Variants in BPTF observed in about 807,000 individuals in gnomAD.
The protein encoded by BPTF is bromodomain PHD finger transcription factor.
BPTF carries 18 observed loss-of-function variants against 292.5 expected under a neutral mutation model. The ratio of observed to expected loss-of-function variants is 0.06; its 90% CI spans 0.04 to 0.09. The LOEUF (loss-of-function observed/expected upper bound fraction) is 0.09, where lower values mean the gene tolerates loss of function less well. Ranked by LOEUF, BPTF falls within the 10% of genes least tolerant of loss-of-function variation. BPTF has a pLI of 1.00. For missense variants in BPTF, 2,726 were observed against 3,498.7 expected, an observed-to-expected ratio of 0.78 and a Z score of 5.57; for synonymous variants, 1,225 against 1,251.9, an observed-to-expected ratio of 0.98 and a Z score of 0.45.
intron 23 of BPTF, chr17:67,957,428 A>C (rs2148242882): frequency 6.6e-6 from 1 of 152,346 alleles, no homozygotes; most frequent in African/African-American, 2.4e-5. Context: ...GATTTTGGCC[A>C]AAGTGGCTCA....
intron 26 of BPTF, among the ~76,000 whole-genome samples, chr17:67,968,555 G>T (rs1280245729): frequency 6.6e-6 from 1 of 151,184 alleles, no homozygotes; most frequent in Non-Finnish European, 1.5e-5. Context: ...GAGGTGGGTG[G>T]ATCACGAGGT....
At chr17:67,827,930 C>CT (rs35169238) in intron 1 of BPTF, among the ~76,000 whole-genome samples, 2,454 of 128,948 alleles carry the variant, frequency 0.019, 36 homozygotes, top group Non-Finnish European at 0.031. Flanking sequence ...AATTTTAGTA[C>CT]TTTTTTTTTT....
In BPTF at chr17:67,910,942, G is replaced by A. The variant is rs201720584; in HGVS notation, c.3058G>A (p.Asp1020Asn). 1.9e-5 allele frequency: 31 copies of A among 1,613,904 alleles called. No individual in the cohort carries two copies. In the African/African-American group the frequency reaches 2.7e-4, roughly 14 times the overall value. ...CAAGGAAGAACCAATGGAAGTAGAC[G>A]ATGACATGAAAACAGAGTCACATGT... ...PCKEEPMEVD[D>N]DMKTESHVNC... The change falls in exon 11 of 28, where the codon GAT becomes AAT. Residue 1020 changes from aspartate to asparagine, a missense_variant. Around this residue, in one of 22 missense-constraint regions of BPTF, gnomAD observed 713 missense variants for 714.9 expected, o/e 1.00. Transcript: ENST00000306378.
At chr17:67,893,072 G>T in intron 5 of BPTF, 3 of 319,450 alleles carry the variant, frequency 9.4e-6, no homozygotes, top group East Asian at 8.4e-5. Context: ...TAATTTATAT[G>T]TATGGTTTCA....
At chr17:67,871,779 TCTG>T (rs2059753295) in intron 3 of BPTF, among the ~76,000 whole-genome samples, 1 of 152,196 alleles carries the variant, frequency 6.6e-6, no homozygotes, top group East Asian at 1.9e-4. Flanking sequence ...TGTTTTTCTC[TCTG>T]CTGAACATTT....
chr17:67,955,600 G>C (rs1316019818), intron 23 of BPTF: 1 of 152,102 alleles, frequency 6.6e-6, no homozygotes, highest in Non-Finnish European at 1.5e-5. Context: ...GCTAAGGCTG[G>C]AGGACCACTT....
chr17:67,837,233 T>G (rs1468163988), intron 1 of BPTF, among the ~76,000 whole-genome samples: 1 of 152,224 alleles, frequency 6.6e-6, no homozygotes, highest in Admixed American at 6.5e-5. Flanking sequence ...TTACAGACAG[T>G]GCTGTCCTGA....
At chr17:67,890,832 A>G (rs1054193504) in intron 4 of BPTF, among the ~76,000 whole-genome samples, 12 of 152,218 alleles carry the variant, frequency 7.9e-5, no homozygotes, top group African/African-American at 2.4e-4. Flanking sequence ...TATATCATAT[A>G]GTAAATTATC....
chr17:67,856,127 C>T lies in BPTF; in HGVS notation c.1436+1365C>T, dbSNP rs375029743. On this transcript the variant is annotated intron_variant, in intron 2 of 27. Coordinates refer to ENST00000306378, the MANE Select transcript of BPTF (RefSeq NM_182641.4). The stretch of plus-strand genomic sequence containing the variant: ...TGAACGTTGGACTTCCTATTTTGGT[C>T]TTCTGACTTTCTTATCATTTCTCTC... Among the ~76,000 whole-genome samples, 65 of 152,202 alleles carry T rather than the reference C, an allele frequency of 4.3e-4. No individual in the cohort carries two copies. The East Asian group carries it at 0.012, about 29-fold the overall frequency.
chr17:67,863,240 AAC>A (rs1455633632), intron 2 of BPTF, among the ~76,000 whole-genome samples: 2 of 152,128 alleles, frequency 1.3e-5, no homozygotes. Context: ...TTGGTTTACA[AAC>A]AGACACATCA....
intron 1 of BPTF, among the ~76,000 whole-genome samples, chr17:67,842,473 C>T (rs1283388233): frequency 6.6e-6 from 1 of 152,148 alleles, no homozygotes; most frequent in African/African-American, 2.4e-5. Context: ...ATCCACTTTT[C>T]TTCTTAGACC....
At chr17:67,865,935 A>G (rs2059368289) in intron 2 of BPTF, among the ~76,000 whole-genome samples, 1 of 152,156 alleles carries the variant, frequency 6.6e-6, no homozygotes, top group Non-Finnish European at 1.5e-5. Context: ...CATTTACACC[A>G]TTTTGTTAGA....
intron 7 of BPTF, among the ~76,000 whole-genome samples, chr17:67,902,765 C>A (rs945915944): frequency 6.6e-6 from 1 of 152,030 alleles, no homozygotes; most frequent in Non-Finnish European, 1.5e-5. Context: ...AGACTGAAAT[C>A]CCCTCCCACA....
At chr17:67,846,349 G>C (rs2058030009) in intron 1 of BPTF, among the ~76,000 whole-genome samples, 1 of 152,176 alleles carries the variant, frequency 6.6e-6, no homozygotes. Context: ...TGACAACCCA[G>C]TGGGTTATTT....
At position 67,866,652 on chromosome 17, in the gene BPTF, G is replaced by A. The variant is rs200596839; in HGVS notation, c.1625G>A (p.Arg542Gln). The change falls in exon 3 of 28, where the codon CGG (arginine) becomes CAG (glutamine). Residue 542 changes from arginine (R) to glutamine (Q), a missense_variant. Arg to Gln is a conservative substitution (Grantham distance 43). Transcript: ENST00000306378. ...DITEDLTNKA[R>Q]GSNKSFLAAA... Reference sequence around the variant, plus strand: ...ACTGAAGACCTGACCAATAAGGCTCGGGGCAGTAACAAATCCTTTCTGGCG... The same window carrying A: ...ACTGAAGACCTGACCAATAAGGCTCAGGGCAGTAACAAATCCTTTCTGGCG... 2.5e-6 allele frequency: 4 copies of A among 1,613,742 alleles called. No individual in the cohort carries two copies. Among genetic ancestry groups the A allele is most frequent in the Admixed American group, 3.3e-5 (2 of 59,996 alleles).
At chr17:67,930,173 T>C (rs2064252326) in intron 17 of BPTF, among the ~76,000 whole-genome samples, 1 of 151,932 alleles carries the variant, frequency 6.6e-6, no homozygotes. Flanking sequence ...TAGTTTGTTA[T>C]CAGCTGATAT....
chr17:67,964,998 C>CAAAAAA (rs58009257), intron 25 of BPTF: 3 of 44,058 alleles, frequency 6.8e-5, no homozygotes, highest in East Asian at 7.5e-4. Flanking sequence ...GACTCCATCG[C>CAAAAAA]AAAAAAAAAA....
At chr17:67,855,962 G>A (rs1454862538) in intron 2 of BPTF, among the ~76,000 whole-genome samples, 1 of 152,206 alleles carries the variant, frequency 6.6e-6, no homozygotes, top group African/African-American at 2.4e-5. Context: ...ACAGTGATAC[G>A]CCCTTGTGTG....
At position 67,945,782 on chromosome 17, in the gene BPTF, A is replaced by G. The variant is rs367671534; in HGVS notation, c.7074A>G (p.Gln2358=). 9 of 1,614,076 alleles carry G rather than the reference A, an allele frequency of 5.6e-6. No individual in the cohort carries two copies. Among genetic ancestry groups the G allele is most frequent in the Non-Finnish European group, 5.1e-6 (6 of 1,180,006 alleles). The change falls in exon 21 of 28, where the codon CAA becomes CAG. Residue 2358 remains glutamine, a synonymous_variant. Transcript: ENST00000306378. ...QTRIRPSTPS[Q]LSPGQQSQVQ... ...GAATACGTCCATCAACTCCATCCCA[A>G]CTGTCTCCTGGACAACAATCCCAGG... is the stretch of plus-strand genomic sequence containing the variant.
Sources: allele counts gnomAD v4.1 joint callset (sites outside exome capture counted in the v4.1 genomes callset), GRCh38; gene constraint gnomAD v4.1.1; regional missense constraint gnomAD v4.1.1; transcripts MANE v1.5; gene names NCBI Gene and HGNC (gene_info 2026-07-23, HGNC 2026-07-21).